Variants in ZNF99 observed in about 807,000 individuals in gnomAD.
The protein encoded by ZNF99 is zinc finger protein ENSP00000375192.
In ZNF99, 8 loss-of-function variants were observed where a neutral mutation model predicts 12.8. That is an observed-to-expected ratio of 0.62 (90% CI 0.37 to 1.13). The LOEUF (loss-of-function observed/expected upper bound fraction) is 1.13, where lower values mean the gene tolerates loss of function less well. Ranked by LOEUF, ZNF99 falls within the 50% of genes most tolerant of loss-of-function variation. ZNF99 has a pLI of 0.02. For missense variants in ZNF99, 1,007 were observed against 1,006.2 expected, an observed-to-expected ratio of 1.00 and a Z score of -0.01; for synonymous variants, 318 against 319.0, an observed-to-expected ratio of 1.00 and a Z score of 0.03.
chr19:22,756,027 CT>C lies in ZNF99; in HGVS notation c.*1286del. 9.8e-7 allele frequency: 1 copy of C among 1,023,444 alleles called. No homozygotes were observed. The highest frequency in any genetic ancestry group is 1.4e-6 in the Non-Finnish European group (1 of 710,116). 63.4% of individuals were successfully genotyped at this position (1,023,444 alleles called of 1,614,324 possible). A position where few individuals can be genotyped will look rare whatever the true frequency, so the allele number is the denominator to read the frequency against. On this transcript the variant is annotated 3_prime_UTR_variant, in exon 4 of 4. Transcript: ENST00000596209. ...GACTGGTTAAAGGCTTTGCCACATT[CT>C]TTACATTTGTGGGGTTTCTCTCCAG...
chr19:22,764,521 G>T (rs1158161799), intron 3 of ZNF99, among the ~76,000 whole-genome samples: 4 of 151,970 alleles, frequency 2.6e-5, no homozygotes, highest in Non-Finnish European at 5.9e-5. Flanking sequence ...CTTTTGCATG[G>T]CAAAAGGAAC....
At chr19:22,770,879 T>C (rs530944672) in intron 1 of ZNF99, 1 of 152,320 alleles carries the variant, frequency 6.6e-6, no homozygotes, top group Admixed American at 6.5e-5. Context: ...TTAATAGCCA[T>C]TTTAAGCAGA....
At chr19:22,769,663 G>A (rs879841305) in intron 1 of ZNF99, among the ~76,000 whole-genome samples, 4 of 151,838 alleles carry the variant, frequency 2.6e-5, no homozygotes, top group African/African-American at 4.8e-5. Flanking sequence ...CTACTTGGGA[G>A]GCTGAGGCAG....
At position 22,758,153 on chromosome 19, in the gene ZNF99, T is replaced by G. The variant is rs368812910; in HGVS notation, c.1756A>C (p.Ile586Leu). The change falls in exon 4 of 4, where the codon ATT (isoleucine) becomes CTT (leucine). Residue 586 changes from isoleucine to leucine, a missense_variant. Transcript: ENST00000596209. The stretch of plus-strand genomic sequence containing the variant: ...TTGTAGGGTTTCTCCCCAGTATGAA[T>G]TGCTTTATGTCTAGTAAGATGTGAA... ...QSSHLTRHKA[I>L]HTGEKPYKCE... 1 of 1,613,634 alleles carries G rather than the reference T, an allele frequency of 6.2e-7. No homozygotes were observed.
chr19:22,779,146 G>A (rs781377176), intron 1 of ZNF99, among the ~76,000 whole-genome samples: 1 of 152,102 alleles, frequency 6.6e-6, no homozygotes, highest in Admixed American at 6.6e-5. Context: ...TTCCCATTAT[G>A]ACTTCGATGG....
intron 1 of ZNF99, 84 bp downstream of exon 1, chr19:22,783,930 A>G (rs1014761865): frequency 1.9e-6 from 3 of 1,545,670 alleles, no homozygotes; most frequent in Non-Finnish European, 2.7e-6. Flanking sequence ...CACTGAGGGG[A>G]GGCCTGAGTC....
At chr19:22,779,393 A>C (rs1033974344) in intron 1 of ZNF99, among the ~76,000 whole-genome samples, 5 of 151,826 alleles carry the variant, frequency 3.3e-5, no homozygotes, top group African/African-American at 1.2e-4. Flanking sequence ...GCATGATGGC[A>C]GATGCCTGTA....
At chr19:22,774,617 C>G (rs1236080308) in intron 1 of ZNF99, among the ~76,000 whole-genome samples, 1 of 152,154 alleles carries the variant, frequency 6.6e-6, no homozygotes, top group Non-Finnish European at 1.5e-5. Context: ...CATCTGTAAT[C>G]CCAGCACTTT....
rs529208860 is a variant in ZNF99, at chr19:22,770,117, T to C, written c.4-793A>G. ...ACAAGCTCACCAGTAATGCCTGTTT[T>C]TGGCCCCAAAAGAATCTTTTGTTAA... On this transcript the variant is annotated intron_variant, in intron 1 of 3. Coordinates refer to ENST00000596209, the MANE Select transcript of ZNF99 (RefSeq NM_001080409.3). 11 of 877,218 alleles carry C rather than the reference T, an allele frequency of 1.3e-5. No homozygotes were observed. In the East Asian group the frequency reaches 7.6e-4, roughly 60 times the overall value. 54.3% of individuals were successfully genotyped at this position (877,218 alleles called of 1,614,324 possible). A position where few individuals can be genotyped will look rare whatever the true frequency, so the allele number is the denominator to read the frequency against.
At chr19:22,782,371 T>C (rs1303424754) in intron 1 of ZNF99, among the ~76,000 whole-genome samples, 2 of 152,096 alleles carry the variant, frequency 1.3e-5, no homozygotes, top group Admixed American at 6.5e-5. Flanking sequence ...TTTTCTTTTT[T>C]TTTAAGACAG....
At chr19:22,774,830 A>G in intron 1 of ZNF99, among the ~76,000 whole-genome samples, 2 of 152,168 alleles carry the variant, frequency 1.3e-5, no homozygotes, top group Non-Finnish European at 2.9e-5. Context: ...AGATTGTGCC[A>G]TTGCACTCCA....
In ZNF99 at chr19:22,753,597, A is replaced by T. The variant is rs1415506264; in HGVS notation, c.*3717T>A. ...ACAATAAGATCTGTGATACAAATAT[A>T]GTACTACAACCGTCTTTATATTTGT... On this transcript the variant is annotated 3_prime_UTR_variant, in exon 4 of 4. Transcript: ENST00000596209. 6.6e-6 allele frequency: 1 copy of T among 152,668 alleles called. No homozygotes were observed. The highest frequency in any genetic ancestry group is 1.5e-5 in the Non-Finnish European group (1 of 68,350). 9.5% of individuals were successfully genotyped at this position (152,668 alleles called of 1,614,324 possible). A position where few individuals can be genotyped will look rare whatever the true frequency, so the allele number is the denominator to read the frequency against.
At chr19:22,773,304 CAGCCCCGGAGA>C (rs1394582178) in intron 1 of ZNF99, among the ~76,000 whole-genome samples, 4 of 152,164 alleles carry the variant, frequency 2.6e-5, no homozygotes, top group Admixed American at 1.3e-4. Context: ...AAATTTTCTT[CAGCCCCGGAGA>C]AACTCCACAA....
chr19:22,757,322 T>C lies in ZNF99; in HGVS notation c.2587A>G (p.Met863Val). Residue 863 changes from methionine to valine, a missense_variant, in exon 4 of 4, where the codon ATG becomes GTG. Transcript: ENST00000596209. ...TTTCTTTCCAGTATGAATTATCTCA[T>C]GTTTTCTAAGGGCTGAGAAATGTTT... ...LLNISQPLEN[M>V]R is the part of the protein sequence containing the mutation. 1.2e-6 allele frequency: 2 copies of C among 1,612,936 alleles called. No individual in the cohort carries two copies. The highest frequency in any genetic ancestry group is 8.5e-7 in the Non-Finnish European group (1 of 1,179,674).
intron 3 of ZNF99, among the ~76,000 whole-genome samples, chr19:22,762,675 C>T (rs1490557613): frequency 6.7e-6 from 1 of 149,638 alleles, no homozygotes; most frequent in Non-Finnish European, 1.5e-5. Flanking sequence ...CCAGAAAAGG[C>T]ATTAATCAAA....
rs753510658 is a variant in ZNF99, at chr19:22,757,343, T to A, written c.2566A>T (p.Ile856Phe). 1.2e-6 allele frequency: 2 copies of A among 1,612,344 alleles called. No homozygotes were observed. Among genetic ancestry groups the A allele is most frequent in the Admixed American group, 3.3e-5 (2 of 59,960 alleles). ...NVKNVAKLLN[I>F]SQPLENMR ...CTCATGTTTTCTAAGGGCTGAGAAA[T>A]GTTTAAAAGCTTTGCCACATTCTTC... The change falls in exon 4 of 4, where the codon ATT (isoleucine) becomes TTT (phenylalanine). Residue 856 changes from isoleucine (I) to phenylalanine (F), a missense_variant. Coordinates refer to ENST00000596209, the MANE Select transcript of ZNF99 (RefSeq NM_001080409.3).
intron 1 of ZNF99, among the ~76,000 whole-genome samples, chr19:22,778,069 G>A (rs1009060348): frequency 1.4e-4 from 21 of 150,628 alleles, no homozygotes; most frequent in Admixed American, 2.7e-4. Flanking sequence ...CGTAAATGAT[G>A]AGTTAACGGG....
rs1483617526 is a variant in ZNF99, at chr19:22,758,155, G to C, written c.1754C>G (p.Ala585Gly). Residue 585 changes from alanine to glycine, a missense_variant, in exon 4 of 4, where the codon GCA becomes GGA. By Grantham distance (60) the Ala-to-Gly change is moderately conservative (BLOSUM62 0). Transcript: ENST00000596209. ...GTAGGGTTTCTCCCCAGTATGAATT[G>C]CTTTATGTCTAGTAAGATGTGAAGA... is the stretch of plus-strand genomic sequence containing the variant. ...KQSSHLTRHK[A>G]IHTGEKPYKC... The C allele has an allele frequency of 6.9e-6, 11 of 1,600,218 alleles. No homozygotes were observed. The highest frequency in any genetic ancestry group is 9.4e-6 in the Non-Finnish European group (11 of 1,174,930).
rs533679647 is a variant in ZNF99, at chr19:22,757,471, C to A, written c.2438G>T (p.Gly813Val). 25 of 1,610,112 alleles carry A rather than the reference C, an allele frequency of 1.6e-5. No individual in the cohort carries two copies. In the South Asian group the frequency reaches 2.5e-4, roughly 16 times the overall value. ...TLRKHEIIHT[G>V]EKSYKCEECG... ...TTCTTCACATTTGTAGGATTTCTCTCCAGTATGAATTATCTCATGTTTTCT... is the reference window on the plus strand; with the variant it reads ...TTCTTCACATTTGTAGGATTTCTCTACAGTATGAATTATCTCATGTTTTCT... The change falls in exon 4 of 4, where the codon GGA (glycine) becomes GTA (valine). Residue 813 changes from glycine to valine, a missense_variant. By Grantham distance (109) the Gly-to-Val change is moderately radical. Coordinates refer to ENST00000596209, the MANE Select transcript of ZNF99 (RefSeq NM_001080409.3).
Sources: allele counts gnomAD v4.1 joint callset (sites outside exome capture counted in the v4.1 genomes callset), GRCh38; gene constraint gnomAD v4.1.1; transcripts MANE v1.5; gene names NCBI Gene and HGNC (gene_info 2026-07-23, HGNC 2026-07-21).